Variants in LRRC41 observed in about 807,000 individuals in gnomAD.
The protein encoded by LRRC41 is leucine rich repeat containing 41, also known as leucine-rich repeat-containing protein 41.
A neutral mutation model predicts 72.1 loss-of-function variants in LRRC41; 17 were observed. The observed-to-expected ratio is 0.24, with a 90% CI of 0.16 to 0.35. The LOEUF (loss-of-function observed/expected upper bound fraction) is 0.35. Ranked by LOEUF, LRRC41 falls within the 10% of genes least tolerant of loss-of-function variation. The pLI is 1.00. For synonymous variants in LRRC41, 427 were observed against 431.0 expected (o/e 0.99, Z 0.11); for missense variants, 759 against 1,065.0 (o/e 0.71, Z 4.00).
chr1:46,279,758 G>A lies in LRRC41; in HGVS notation c.2021-144C>T. The A allele has an allele frequency of 1.0e-6, 1 of 963,496 alleles. No individual in the cohort carries two copies. The highest frequency in any genetic ancestry group is 1.6e-6 in the Non-Finnish European group (1 of 639,466). The allele number at this position is 963,496 out of a possible 1,614,324, so 59.7% of individuals were successfully genotyped here. On this transcript the variant is annotated intron_variant, in intron 7 of 9. Coordinates refer to ENST00000617190, the MANE Select transcript of LRRC41 (RefSeq NM_006369.5). The surrounding 1 kb of genome is among the most constrained non-coding windows in gnomAD (Gnocchi z 4.5). The stretch of plus-strand genomic sequence containing the variant: ...ATTTGTCTAGACTCCAAGCAAGGCT[G>A]GAACTAAATCAGAATCCAAACTAAA...
At chr1:46,292,035 C>T (rs573459376) in intron 3 of LRRC41, among the ~76,000 whole-genome samples, 30 of 151,850 alleles carry the variant, frequency 2.0e-4, no homozygotes, top group Non-Finnish European at 3.7e-4. Flanking sequence ...TATTGCAGGC[C>T]GGCCACAGTG....
chr1:46,291,625 T>A (rs1393092012), intron 3 of LRRC41, among the ~76,000 whole-genome samples: 21 of 133,154 alleles, frequency 1.6e-4, no homozygotes, highest in African/African-American at 5.8e-4. Context: ...AATGGCACAA[T>A]CTTGGCTCAC....
Position 46,279,123 on chromosome 1 carries a change from G to A in LRRC41, c.2220-39C>T, listed in dbSNP as rs1660710986. The A allele has an allele frequency of 7.5e-6, 12 of 1,606,164 alleles. No individual in the cohort carries two copies. The highest frequency in any genetic ancestry group is 9.4e-6 in the Non-Finnish European group (11 of 1,173,456). On this transcript the variant is annotated intron_variant, in intron 9 of 9. Coordinates refer to ENST00000617190, the MANE Select transcript of LRRC41 (RefSeq NM_006369.5). This position sits in a 1 kb window ranked among gnomAD's most constrained non-coding sequence, Gnocchi z 4.5. ...ATGGATTAGATATCCAGGAAGCAGT[G>A]AATTCCTGGTCTATATCTCTGTAGC...
In LRRC41 at chr1:46,302,158, C is replaced by T. The variant is rs1661247739; in HGVS notation, c.199+966G>A. ...TCCATCCAGGCCCGGCCCTTTGGTCCCGGCCGCCTTCAGGCCTGGGGCCCC... is the reference window on the plus strand; with the variant it reads ...TCCATCCAGGCCCGGCCCTTTGGTCTCGGCCGCCTTCAGGCCTGGGGCCCC... On this transcript the variant is annotated intron_variant, in intron 1 of 9. Coordinates refer to ENST00000617190, the MANE Select transcript of LRRC41 (RefSeq NM_006369.5). The surrounding 1 kb of genome is among the most constrained non-coding windows in gnomAD (Gnocchi z 4.7). The T allele has an allele frequency of 5.1e-6, 5 of 985,306 alleles. No individual in the cohort carries two copies. The highest frequency in any genetic ancestry group is 6.0e-6 in the Non-Finnish European group (5 of 829,868). 61.0% of individuals were successfully genotyped at this position (985,306 alleles called of 1,614,324 possible). A position where few individuals can be genotyped will look rare whatever the true frequency, so the allele number is the denominator to read the frequency against.
chr1:46,302,244 C>G lies in LRRC41; in HGVS notation c.199+880G>C, dbSNP rs1161925412. 5 of 985,252 alleles carry G rather than the reference C, an allele frequency of 5.1e-6. No individual in the cohort carries two copies. The African/African-American group carries it at 5.2e-5, about 10-fold the overall frequency. 61.0% of individuals were successfully genotyped at this position (985,252 alleles called of 1,614,324 possible). A position where few individuals can be genotyped will look rare whatever the true frequency, so the allele number is the denominator to read the frequency against. The stretch of plus-strand genomic sequence containing the variant: ...CGCCGCGCCCCCTGCCACGGCAGCC[C>G]GGCAGTCCGGGATCCCCGGGCCGTC... On this transcript the variant is annotated intron_variant, in intron 1 of 9. Transcript: ENST00000617190. This position sits in a 1 kb window ranked among gnomAD's most constrained non-coding sequence, Gnocchi z 4.7.
In LRRC41 at chr1:46,302,724, C is replaced by T. The variant is rs1174023251; in HGVS notation, c.199+400G>A. ...TGCCTTAGGCCGGGCCTCCTAACCTCGGCCCCTGCCCTAGGGCAGCCGGGC... is the reference window on the plus strand; with the variant it reads ...TGCCTTAGGCCGGGCCTCCTAACCTTGGCCCCTGCCCTAGGGCAGCCGGGC... On this transcript the variant is annotated intron_variant, in intron 1 of 9. Transcript: ENST00000617190. This position sits in a 1 kb window ranked among gnomAD's most constrained non-coding sequence, Gnocchi z 4.7. 2.0e-6 allele frequency: 2 copies of T among 985,138 alleles called. No individual in the cohort carries two copies. The highest frequency in any genetic ancestry group is 6.1e-5 in the Admixed American group (1 of 16,274). The allele number at this position is 985,138 out of a possible 1,614,324, so 61.0% of individuals were successfully genotyped here. A position where few individuals can be genotyped will look rare whatever the true frequency, so the allele number is the denominator to read the frequency against.
rs547187300 is a variant in LRRC41 at position 46,303,054 on chromosome 1, C to T, written c.199+70G>A. Reference sequence around the variant, plus strand: ...TTGCCCCGGGCCTCCCGGCCTCGCCCCCCGCGCCCCCCGGCCGCTGGGCCG... The same window carrying T: ...TTGCCCCGGGCCTCCCGGCCTCGCCTCCCGCGCCCCCCGGCCGCTGGGCCG... On this transcript the variant is annotated intron_variant, in intron 1 of 9. Coordinates refer to ENST00000617190, the MANE Select transcript of LRRC41 (RefSeq NM_006369.5). 10 of 1,343,814 alleles carry T rather than the reference C, an allele frequency of 7.4e-6. No homozygotes were observed. In the East Asian group the frequency reaches 3.0e-4, roughly 41 times the overall value. The allele number at this position is 1,343,814 out of a possible 1,614,324, so 83.2% of individuals were successfully genotyped here.
At chr1:46,299,803 G>C (rs1249514770) in intron 1 of LRRC41, 1 of 152,106 alleles carries the variant, frequency 6.6e-6, no homozygotes, top group Non-Finnish European at 1.5e-5. Flanking sequence ...CTTGAACTCA[G>C]GAGGTAGAGA....
At chr1:46,287,497 T>C (rs1372983003) in intron 3 of LRRC41, among the ~76,000 whole-genome samples, 1 of 152,190 alleles carries the variant, frequency 6.6e-6, no homozygotes, top group Non-Finnish European at 1.5e-5. Context: ...CCCAAAGTAG[T>C]GTTGTAAAAC....
At chr1:46,289,861 A>C (rs1454923226) in intron 3 of LRRC41, among the ~76,000 whole-genome samples, 1 of 152,188 alleles carries the variant, frequency 6.6e-6, no homozygotes, top group Non-Finnish European at 1.5e-5. Flanking sequence ...CACGATGCAA[A>C]GTGATTTAGT....
chr1:46,285,799 C>A lies in LRRC41; in HGVS notation c.1058G>T (p.Gly353Val). The A allele has an allele frequency of 6.3e-7, 1 of 1,593,896 alleles. No individual in the cohort carries two copies. Among genetic ancestry groups the A allele is most frequent in the South Asian group, 1.1e-5 (1 of 88,206 alleles). ...TGGAGCAGAAGGTGACCGCTTGGTGCCAGGAGCCTCATGGGAGGTGGCTGG... is the reference window on the plus strand; with the variant it reads ...TGGAGCAGAAGGTGACCGCTTGGTGACAGGAGCCTCATGGGAGGTGGCTGG... ...HPPATSHEAP[G>V]TKRSPSAPAA... The change falls in exon 4 of 10, where the codon GGC becomes GTC. Residue 353 changes from glycine to valine, a missense_variant. Physicochemically the swap from Gly to Val is moderately radical, Grantham distance 109. Around this residue, in one of 4 missense-constraint regions of LRRC41, gnomAD observed 427 missense variants for 520.9 expected, o/e 0.82. Transcript: ENST00000617190. This position sits in a 1 kb window ranked among gnomAD's most constrained non-coding sequence, Gnocchi z 5.3.
At position 46,279,064 on chromosome 1, in the gene LRRC41, T is replaced by C. The variant is rs1167472172; in HGVS notation, c.2240A>G (p.Asp747Gly). The C allele has an allele frequency of 6.2e-7, 1 of 1,609,734 alleles. No homozygotes were observed. The highest frequency in any genetic ancestry group is 8.5e-7 in the Non-Finnish European group (1 of 1,177,696). Residue 747 changes from aspartate (D) to glycine (G), a missense_variant, in exon 10 of 10, where the codon GAT becomes GGT. Around this residue, in one of 4 missense-constraint regions of LRRC41, gnomAD observed 110 missense variants for 227.0 expected, o/e 0.48. Coordinates refer to ENST00000617190, the MANE Select transcript of LRRC41 (RefSeq NM_006369.5). The surrounding 1 kb of genome is among the most constrained non-coding windows in gnomAD (Gnocchi z 4.5). The part of the protein sequence containing the change: ...LDISSNCIKP[D>G]GLLEFAKRLE... The stretch of plus-strand genomic sequence containing the variant: ...CCGCTTGGCGAACTCCAGAAGCCCA[T>C]CTGGCTTGATGCAGTTGGAACTGGT...
rs1388977985 is a variant in LRRC41 at position 46,286,251 on chromosome 1, G to A, written c.606C>T (p.His202=). 1 of 1,614,290 alleles carries A rather than the reference G, an allele frequency of 6.2e-7. No individual in the cohort carries two copies. The highest frequency in any genetic ancestry group is 1.3e-5 in the African/African-American group (1 of 75,076). The change falls in exon 4 of 10, where the codon CAC becomes CAT. Residue 202 remains histidine, a synonymous_variant. Coordinates refer to ENST00000617190, the MANE Select transcript of LRRC41 (RefSeq NM_006369.5). The surrounding 1 kb of genome is among the most constrained non-coding windows in gnomAD (Gnocchi z 5.5). The part of the protein sequence containing the change: ...ASSLHTLKFR[H]LLFSDVAAQQ... ...GAGCAGCCACATCAGAGAACAGCAG[G>A]TGGCGGAACTTGAGAGTGTGCAGGG...
intron 1 of LRRC41, chr1:46,300,810 G>C (rs1661207299): frequency 6.6e-6 from 1 of 152,312 alleles, no homozygotes; most frequent in South Asian, 2.1e-4. Flanking sequence ...CCTCCAGGAA[G>C]CCTTTCCTGG....
Position 46,278,855 on chromosome 1 carries a change from A to G in LRRC41, c.*10T>C, listed in dbSNP as rs1439960810. ...GGTACCGAGCATGAGACTGTGAGGTACGGGCCCCATCACATGGTGCTAACA... is the reference window on the plus strand; with the variant it reads ...GGTACCGAGCATGAGACTGTGAGGTGCGGGCCCCATCACATGGTGCTAACA... On this transcript the variant is annotated 3_prime_UTR_variant, in exon 10 of 10. Coordinates refer to ENST00000617190, the MANE Select transcript of LRRC41 (RefSeq NM_006369.5). 4.4e-6 allele frequency: 7 copies of G among 1,605,796 alleles called. No individual in the cohort carries two copies. Among genetic ancestry groups the G allele is most frequent in the Middle Eastern group, 3.3e-4 (2 of 6,048 alleles).
rs773161292 is a variant in LRRC41 at position 46,285,808 on chromosome 1, T to G, written c.1049A>C (p.Glu350Ala). The change falls in exon 4 of 10, where the codon GAG becomes GCG. Residue 350 changes from glutamate (E) to alanine (A), a missense_variant. Coordinates refer to ENST00000617190, the MANE Select transcript of LRRC41 (RefSeq NM_006369.5). The surrounding 1 kb of genome is among the most constrained non-coding windows in gnomAD (Gnocchi z 5.3). ...AGGTGACCGCTTGGTGCCAGGAGCC[T>G]CATGGGAGGTGGCTGGGGGGTGCAG... ...RELHPPATSH[E>A]APGTKRSPSA... is the part of the protein sequence containing the mutation. 69 of 1,594,574 alleles carry G rather than the reference T, an allele frequency of 4.3e-5. No individual in the cohort carries two copies. Among genetic ancestry groups the G allele is most frequent in the Non-Finnish European group, 5.4e-5 (63 of 1,171,584 alleles).
Position 46,302,227 on chromosome 1 carries a change from C to A in LRRC41, c.199+897G>T. On this transcript the variant is annotated intron_variant, in intron 1 of 9. Transcript: ENST00000617190. This position sits in a 1 kb window ranked among gnomAD's most constrained non-coding sequence, Gnocchi z 4.7. ...CCAAGGCCTCTTGGCGGCGCCGCGC[C>A]CCCTGCCACGGCAGCCCGGCAGTCC... 1 of 985,434 alleles carries A rather than the reference C, an allele frequency of 1.0e-6. No homozygotes were observed. The highest frequency in any genetic ancestry group is 1.2e-6 in the Non-Finnish European group (1 of 829,912). 61.0% of individuals were successfully genotyped at this position (985,434 alleles called of 1,614,324 possible). A position where few individuals can be genotyped will look rare whatever the true frequency, so the allele number is the denominator to read the frequency against.
chr1:46,287,422 C>T (rs1019931561), intron 3 of LRRC41, among the ~76,000 whole-genome samples: 1 of 152,126 alleles, frequency 6.6e-6, no homozygotes, highest in African/African-American at 2.4e-5. Context: ...ACTTCTGATT[C>T]TTACCACCAC....
chr1:46,283,708 C>CTTT (rs34412540), intron 4 of LRRC41, among the ~76,000 whole-genome samples: 2 of 143,394 alleles, frequency 1.4e-5, no homozygotes, highest in African/African-American at 2.5e-5. Context: ...GAGGAGAAAA[C>CTTT]TTTTTTTTTT....
Sources: allele counts gnomAD v4.1 joint callset (sites outside exome capture counted in the v4.1 genomes callset), GRCh38; gene constraint gnomAD v4.1.1; regional missense constraint gnomAD v4.1.1; non-coding constraint Gnocchi (gnomAD v3.1); transcripts MANE v1.5; gene names NCBI Gene and HGNC (gene_info 2026-07-23, HGNC 2026-07-21).